The following NUDT3 variants were observed in gnomAD, a reference collection of about 807,000 sequenced individuals.
NUDT3 encodes diphosphoinositol polyphosphate phosphohydrolase 1.
Under a neutral mutation model 23.6 loss-of-function variants are expected in NUDT3, and 9 were observed. That is an observed-to-expected ratio of 0.38 (90% confidence interval 0.23 to 0.66). The LOEUF (loss-of-function observed/expected upper bound fraction) is 0.66, where lower values mean the gene tolerates loss of function less well. Ranked by LOEUF, NUDT3 falls within the 30% of genes least tolerant of loss-of-function variation. NUDT3 has a pLI of 0.52. For missense variants in NUDT3, 172 were observed against 218.5 expected (o/e 0.79, Z 1.34); for synonymous variants, 86 against 82.6 (o/e 1.04, Z -0.22).
intron 1 of NUDT3, among the ~76,000 whole-genome samples, chr6:34,384,936 G>A (rs1415081702): frequency 1.3e-5 from 2 of 151,730 alleles, no homozygotes; most frequent in Non-Finnish European, 2.9e-5. Context: ...GGCTGAGGTG[G>A]GAGGATCACT....
intron 2 of NUDT3, among the ~76,000 whole-genome samples, chr6:34,315,967 A>G (rs1581861052): frequency 6.6e-6 from 1 of 152,282 alleles, no homozygotes; most frequent in South Asian, 2.1e-4. Flanking sequence ...CTGGTTAAAA[A>G]CAACCTCTTC....
intron 2 of NUDT3, among the ~76,000 whole-genome samples, chr6:34,325,003 A>G (rs537967218): frequency 6.6e-6 from 1 of 152,314 alleles, no homozygotes; most frequent in East Asian, 1.9e-4. Context: ...GGCTATGTCT[A>G]TGCCAAGGCT....
intron 1 of NUDT3, among the ~76,000 whole-genome samples, chr6:34,344,525 G>C (rs1764335003): frequency 6.6e-6 from 1 of 152,238 alleles, no homozygotes; most frequent in Non-Finnish European, 1.5e-5. Flanking sequence ...AACCAGATTG[G>C]TGGTTACCAG....
At chr6:34,385,982 C>A (rs1207861652) in intron 1 of NUDT3, among the ~76,000 whole-genome samples, 2 of 152,182 alleles carry the variant, frequency 1.3e-5, no homozygotes, top group Non-Finnish European at 2.9e-5. Context: ...CCATGCTGAG[C>A]CTTGTTCTTT....
At chr6:34,293,659 T>C (rs1177722149) in intron 3 of NUDT3, 124 bp from the exon 4 acceptor site, 9 of 1,109,994 alleles carry the variant, frequency 8.1e-6, no homozygotes, top group Non-Finnish European at 1.2e-5. Context: ...ACTTTTACTT[T>C]TTATGGTCCT....
At chr6:34,355,734 T>G (rs994250077) in intron 1 of NUDT3, among the ~76,000 whole-genome samples, 1 of 151,506 alleles carries the variant, frequency 6.6e-6, no homozygotes, top group African/African-American at 2.4e-5. Flanking sequence ...AAATTCAATT[T>G]CTTTAATAGA....
intron 1 of NUDT3, among the ~76,000 whole-genome samples, chr6:34,378,458 T>C (rs367974476): frequency 5.3e-5 from 8 of 152,326 alleles, no homozygotes; most frequent in African/African-American, 1.4e-4. Context: ...AGTGATATAT[T>C]AGGCAAAGTT....
At chr6:34,299,353 T>C (rs974173779) in intron 2 of NUDT3, among the ~76,000 whole-genome samples, 2 of 152,226 alleles carry the variant, frequency 1.3e-5, no homozygotes, top group African/African-American at 4.8e-5. Context: ...TAAAAGTCCA[T>C]CTTAGTAGAG....
At position 34,285,700 on chromosome 6, in the gene NUDT3, AATCT is replaced by A. The variant is rs2113687046; in HGVS notation, c.*3049_*3052del. 1 of 152,300 alleles carries A rather than the reference AATCT, an allele frequency of 6.6e-6. No individual in the cohort carries two copies. Among genetic ancestry groups the A allele is most frequent in the South Asian group, 2.1e-4 (1 of 4,824 alleles). 9.4% of individuals were successfully genotyped at this position (152,300 alleles called of 1,614,324 possible). The stretch of plus-strand genomic sequence containing the variant: ...AGGTATTGCAACCATGGGTCTAACT[AATCT>A]ATCACTAAAGGACTGTGACGACATT... On this transcript the variant is annotated 3_prime_UTR_variant, in exon 5 of 5. Coordinates refer to ENST00000607016, the MANE Select transcript of NUDT3 (RefSeq NM_006703.4).
Position 34,341,844 on chromosome 6 carries a change from T to C in NUDT3, c.210+18A>G. On this transcript the variant is annotated intron_variant, in intron 2 of 4. Transcript: ENST00000607016. ...ATGATGACGAGGCACAGCTGTGCCCTCTCTTCTCCATGCATACCTCCTCAC... is the reference window on the plus strand; with the variant it reads ...ATGATGACGAGGCACAGCTGTGCCCCCTCTTCTCCATGCATACCTCCTCAC... The C allele has an allele frequency of 6.2e-7, 1 of 1,611,356 alleles. No homozygotes were observed.
chr6:34,374,286 C>T (rs772811168), intron 1 of NUDT3, among the ~76,000 whole-genome samples: 2 of 151,628 alleles, frequency 1.3e-5, no homozygotes, highest in Admixed American at 6.6e-5. Flanking sequence ...CAGATTTCAA[C>T]ACTCTTTTGG....
chr6:34,322,252 A>G (rs1258917126), intron 2 of NUDT3, among the ~76,000 whole-genome samples: 1 of 149,324 alleles, frequency 6.7e-6, no homozygotes, highest in East Asian at 2.0e-4. Flanking sequence ...TTTTTTTGAG[A>G]TGGAGTTTCG....
rs911857191 is a variant in NUDT3 at position 34,392,619 on chromosome 6, A to C, written c.-257T>G. 1.9e-5 allele frequency: 5 copies of C among 262,462 alleles called. No individual in the cohort carries two copies. The highest frequency in any genetic ancestry group is 5.5e-5 in the Admixed American group (1 of 18,104). 16.3% of individuals were successfully genotyped at this position (262,462 alleles called of 1,614,324 possible). A position where few individuals can be genotyped will look rare whatever the true frequency, so the allele number is the denominator to read the frequency against. ...GGCCGCCGCCCCCTCTGCCGCCGCC[A>C]CCCCCGACGACGACCGCGCCGCCAT... On this transcript the variant is annotated 5_prime_UTR_variant, in exon 1 of 5. Transcript: ENST00000607016.
chr6:34,336,025 T>C (rs1764203646), intron 2 of NUDT3, among the ~76,000 whole-genome samples: 1 of 152,160 alleles, frequency 6.6e-6, no homozygotes, highest in African/African-American at 2.4e-5. Flanking sequence ...TCCCAGCATT[T>C]TGGGAGGCCG....
intron 1 of NUDT3, among the ~76,000 whole-genome samples, chr6:34,390,150 T>C (rs1422057660): frequency 6.7e-6 from 1 of 148,318 alleles, no homozygotes; most frequent in Non-Finnish European, 1.5e-5. Flanking sequence ...AATAAATAAA[T>C]AAATAAAAAT....
At chr6:34,310,347 C>G (rs1039287132) in intron 2 of NUDT3, among the ~76,000 whole-genome samples, 1 of 151,738 alleles carries the variant, frequency 6.6e-6, no homozygotes, top group Non-Finnish European at 1.5e-5. Flanking sequence ...CTGGCCAACA[C>G]AGTGAAACCC....
At chr6:34,309,996 G>A (rs79207235) in intron 2 of NUDT3, among the ~76,000 whole-genome samples, 7,991 of 152,162 alleles carry the variant, frequency 0.053, 264 homozygotes, top group Non-Finnish European at 0.075. Flanking sequence ...ACTTTGGGAC[G>A]CTGAGGTGGG....
intron 1 of NUDT3, among the ~76,000 whole-genome samples, chr6:34,365,764 C>A (rs1402133181): frequency 1.3e-5 from 2 of 151,806 alleles, no homozygotes; most frequent in Non-Finnish European, 2.9e-5. Context: ...AAATACAGGC[C>A]GGGTACGGGG....
chr6:34,364,937 C>T (rs1410313421), intron 1 of NUDT3, among the ~76,000 whole-genome samples: 2 of 152,146 alleles, frequency 1.3e-5, no homozygotes, highest in Admixed American at 6.6e-5. Context: ...AGGAGAATGG[C>T]GTGAACCCAG....
Sources: allele counts gnomAD v4.1 joint callset (sites outside exome capture counted in the v4.1 genomes callset), GRCh38; gene constraint gnomAD v4.1.1; transcripts MANE v1.5; gene names NCBI Gene and HGNC (gene_info 2026-07-23, HGNC 2026-07-21).